The following PTPRC variants were observed in gnomAD, a reference collection of about 807,000 sequenced individuals.
PTPRC encodes the protein protein tyrosine phosphatase receptor type C.
Under a neutral mutation model 155.9 loss-of-function variants are expected in PTPRC, and 44 were observed. The ratio of observed to expected loss-of-function variants is 0.28; its 90% CI spans 0.22 to 0.36. The LOEUF (loss-of-function observed/expected upper bound fraction) is 0.36. Ranked by LOEUF, PTPRC falls within the 10% of genes least tolerant of loss-of-function variation. The probability of loss-of-function intolerance (pLI) is 1.00; values close to 1 mark genes in which losing one functional copy is unlikely to be tolerated. For missense variants in PTPRC, 1,401 were observed against 1,564.6 expected (o/e 0.90, Z 1.76); for synonymous variants, 525 against 533.1 (o/e 0.98, Z 0.21).
At chr1:198,722,124 G>A (rs905790391) in intron 14 of PTPRC, among the ~76,000 whole-genome samples, 2 of 150,442 alleles carry the variant, frequency 1.3e-5, no homozygotes, top group East Asian at 1.9e-4. Context: ...TGATGTATTG[G>A]ATTTTATTTC....
intron 3 of PTPRC, chr1:198,695,223 C>A (rs1418952033): frequency 2.1e-5 from 18 of 866,316 alleles, no homozygotes; most frequent in Non-Finnish European, 2.2e-5. Flanking sequence ...TCATTCTTAA[C>A]TCTTTCCTGT....
intron 32 of PTPRC, among the ~76,000 whole-genome samples, chr1:198,755,539 G>A (rs1224140708): frequency 6.6e-6 from 1 of 151,952 alleles, no homozygotes; most frequent in Non-Finnish European, 1.5e-5. Context: ...TAAACTTTAG[G>A]AATCAAGAAA....
In PTPRC at chr1:198,708,218, C is replaced by T; in HGVS notation, c.990C>T (p.Thr330=). 1 of 1,606,262 alleles carries T rather than the reference C, an allele frequency of 6.2e-7. No individual in the cohort carries two copies. The highest frequency in any genetic ancestry group is 8.5e-7 in the Non-Finnish European group (1 of 1,173,760). Residue 330 remains threonine (T), a synonymous_variant, in exon 10 of 33, where the codon ACC becomes ACT. Transcript: ENST00000442510. ...TICLKWKNIE[T]FTCDTQNITY... is the part of the protein sequence containing the mutation. ...GTTTAAAATGGAAAAATATTGAAAC[C>T]TTTACTTGTGATACACAGAATATTA...
intron 28 of PTPRC, 28 bp downstream of exon 28, chr1:198,749,577 G>T (rs553335027): frequency 2.5e-6 from 4 of 1,599,018 alleles, no homozygotes; most frequent in African/African-American, 1.3e-5. Context: ...CAAAACCCAA[G>T]ATCCAAACAT....
At chr1:198,644,021 G>C (rs955690157) in intron 2 of PTPRC, among the ~76,000 whole-genome samples, 33 of 151,934 alleles carry the variant, frequency 2.2e-4, no homozygotes, top group Admixed American at 1.6e-3. Context: ...TCATTCTCTT[G>C]GTAAATACAC....
At chr1:198,642,374 A>ATCTATCTATCTG (rs1373475802) in intron 2 of PTPRC, among the ~76,000 whole-genome samples, 4 of 151,686 alleles carry the variant, frequency 2.6e-5, no homozygotes, top group Admixed American at 2.0e-4. Context: ...CTATCTGTCT[A>ATCTATCTATCTG]TCTATCTATC....
intron 2 of PTPRC, among the ~76,000 whole-genome samples, chr1:198,652,568 C>CTT (rs373397106): frequency 3.9e-4 from 57 of 146,214 alleles, no homozygotes; most frequent in East Asian, 1.6e-3. Flanking sequence ...AAATATTACC[C>CTT]TTTTTTTTTT....
At chr1:198,755,152 A>C (rs1392864975) in intron 32 of PTPRC, among the ~76,000 whole-genome samples, 2 of 152,116 alleles carry the variant, frequency 1.3e-5, no homozygotes, top group Non-Finnish European at 2.9e-5. Flanking sequence ...GGGTAGGGAA[A>C]TAGACTCCAC....
rs1654917982 is a variant in PTPRC, at chr1:198,741,958, C to T, written c.2493C>T (p.Leu831=). 6.2e-7 allele frequency: 1 copy of T among 1,612,052 alleles called. No homozygotes were observed. Among genetic ancestry groups the T allele is most frequent in the African/African-American group, 1.3e-5 (1 of 74,728 alleles). The change falls in exon 24 of 33, where the codon CTC becomes CTT. Residue 831 remains leucine, a synonymous_variant. Coordinates refer to ENST00000442510, the MANE Select transcript of PTPRC (RefSeq NM_002838.5). ...GGGTGCCTGAGGATCCTCACTTGCT[C>T]CTCAAACTGAGAAGGAGAGTGAATG... ...DHGVPEDPHL[L]LKLRRRVNAF... is the part of the protein sequence containing the mutation.
intron 12 of PTPRC, among the ~76,000 whole-genome samples, chr1:198,715,831 A>G (rs1376958996): frequency 6.6e-6 from 1 of 152,100 alleles, no homozygotes; most frequent in African/African-American, 2.4e-5. Context: ...TATTGATATT[A>G]TTATTACTGT....
chr1:198,659,834 G>A lies in PTPRC; in HGVS notation c.73+20493G>A, dbSNP rs1380351937. Among the ~76,000 whole-genome samples the A allele has an allele frequency of 2.0e-5, 3 of 151,736 alleles. No homozygotes were observed. The East Asian group carries it at 5.8e-4, about 29-fold the overall frequency. On this transcript the variant is annotated intron_variant, in intron 2 of 32. Coordinates refer to ENST00000442510, the MANE Select transcript of PTPRC (RefSeq NM_002838.5). Reference sequence around the variant, plus strand: ...TGGGATTACAGGCGTGAGCCACTGTGCCTGACCAAGAATATTTTTCTTAAT... The same window carrying A: ...TGGGATTACAGGCGTGAGCCACTGTACCTGACCAAGAATATTTTTCTTAAT...
At chr1:198,668,691 C>A (rs186474448) in intron 2 of PTPRC, among the ~76,000 whole-genome samples, 49 of 152,146 alleles carry the variant, frequency 3.2e-4, no homozygotes, top group African/African-American at 1.0e-3. Flanking sequence ...AAGCTTGAAG[C>A]AAGAATGATT....
chr1:198,742,313 T>C lies in PTPRC; in HGVS notation c.2643T>C (p.Val881=), dbSNP rs200768547. The change falls in exon 25 of 33, where the codon GTT becomes GTC. Residue 881 remains valine (V), a synonymous_variant. Transcript: ENST00000442510. The stretch of plus-strand genomic sequence containing the variant: ...TGGAAGCCGAGAACAAAGTGGATGT[T>C]TATGGTTATGTTGTCAAGCTAAGGC... ...EGLEAENKVD[V]YGYVVKLRRQ... 8 of 1,612,336 alleles carry C rather than the reference T, an allele frequency of 5.0e-6. No homozygotes were observed. The highest frequency in any genetic ancestry group is 5.9e-6 in the Non-Finnish European group (7 of 1,178,900).
At chr1:198,748,812 G>A (rs1183332452) in intron 27 of PTPRC, among the ~76,000 whole-genome samples, 1 of 151,710 alleles carries the variant, frequency 6.6e-6, no homozygotes, top group African/African-American at 2.4e-5. Flanking sequence ...TAAATTAGAT[G>A]ACCAAATAAA....
intron 2 of PTPRC, among the ~76,000 whole-genome samples, chr1:198,663,304 T>G (rs969443768): frequency 1.3e-4 from 20 of 152,242 alleles, no homozygotes; most frequent in African/African-American, 4.8e-4. Context: ...ACAATTTGAA[T>G]AATAATAGTC....
At chr1:198,742,466 C>T in intron 25 of PTPRC, 99 bp downstream of exon 25, 6 of 1,431,838 alleles carry the variant, frequency 4.2e-6, no homozygotes, top group Non-Finnish European at 5.8e-6. Flanking sequence ...CCAAATTCTT[C>T]ACAACCTCAA....
intron 2 of PTPRC, among the ~76,000 whole-genome samples, chr1:198,645,550 T>C (rs563966036): frequency 6.6e-6 from 1 of 151,908 alleles, no homozygotes; most frequent in Admixed American, 6.6e-5. Context: ...TAAAGTGTTG[T>C]AAGCATTAAA....
chr1:198,731,518 G>T, intron 17 of PTPRC, 99 bp from the exon 18 acceptor site: 1 of 858,530 alleles, frequency 1.2e-6, no homozygotes, highest in Non-Finnish European at 2.0e-6. Flanking sequence ...GAGGAGGAAA[G>T]AAGCTAAAGG....
At chr1:198,723,013 G>T (rs924008529) in intron 15 of PTPRC, among the ~76,000 whole-genome samples, 9 of 151,450 alleles carry the variant, frequency 5.9e-5, no homozygotes, top group African/African-American at 2.2e-4. Flanking sequence ...TTATAATAAT[G>T]AAAATAACAG....
Sources: allele counts gnomAD v4.1 joint callset (sites outside exome capture counted in the v4.1 genomes callset), GRCh38; gene constraint gnomAD v4.1.1; transcripts MANE v1.5; gene names NCBI Gene and HGNC (gene_info 2026-07-23, HGNC 2026-07-21).